FRMD4B: variants seen among roughly 807,000 people sequenced by gnomAD.
FRMD4B encodes FERM domain-containing protein 4B.
In FRMD4B, 74 loss-of-function variants were observed where a neutral mutation model predicts 141.5. That is an observed-to-expected ratio of 0.52 (90% confidence interval 0.43 to 0.63). FRMD4B has a LOEUF of 0.63. Among genes scored for constraint, FRMD4B ranks in the 30% least tolerant of loss-of-function variants. The pLI, the probability that FRMD4B is intolerant of heterozygous loss-of-function variation, is 0.00. For synonymous variants in FRMD4B, 506 were observed against 467.9 expected (o/e 1.08, Z -1.05); for missense variants, 1,366 against 1,253.4 (o/e 1.09, Z -1.36).
chr3:69,266,803 CTG>C (rs2093564231), intron 5 of FRMD4B, among the ~76,000 whole-genome samples: 1 of 152,168 alleles, frequency 6.6e-6, no homozygotes, highest in Non-Finnish European at 1.5e-5. Flanking sequence ...GGGTCAAAGA[CTG>C]TTAAGAAACA....
chr3:69,233,678 GA>G (rs1381651480), intron 7 of FRMD4B, among the ~76,000 whole-genome samples: 2 of 152,242 alleles, frequency 1.3e-5, no homozygotes, highest in African/African-American at 4.8e-5. Context: ...CATAACATGA[GA>G]AATTAAAAGA....
rs201203228 is a variant in FRMD4B, at chr3:69,216,267, C to T, written c.872G>A (p.Arg291Gln). ...CCTAAAGTGATCCACACTTACCTTCCGAGGCTTCACCTTGTCTTGTATATC... is the reference window on the plus strand; with the variant it reads ...CCTAAAGTGATCCACACTTACCTTCTGAGGCTTCACCTTGTCTTGTATATC... ...QYDIQDKVKP[R>Q]KLFQWKQLEN... The change falls in exon 11 of 23, where the codon CGG becomes CAG. Residue 291 changes from arginine to glutamine, a missense_variant. By Grantham distance (43) the Arg-to-Gln change is conservative (BLOSUM62 1). Coordinates refer to ENST00000398540, the MANE Select transcript of FRMD4B (RefSeq NM_015123.3). 7.7e-5 allele frequency: 116 copies of T among 1,513,470 alleles called. No individual in the cohort carries two copies. Among genetic ancestry groups the T allele is most frequent in the Non-Finnish European group, 4.1e-5 (45 of 1,100,734 alleles). 93.8% of individuals were successfully genotyped at this position (1,513,470 alleles called of 1,614,324 possible).
chr3:69,254,354 C>T (rs375184160), intron 5 of FRMD4B, among the ~76,000 whole-genome samples: 17 of 152,092 alleles, frequency 1.1e-4, no homozygotes, highest in African/African-American at 4.1e-4. Context: ...GGTGATCCAT[C>T]TACCTCAGCC....
chr3:69,210,928 C>T (rs6766537), intron 11 of FRMD4B, among the ~76,000 whole-genome samples: 2 of 151,546 alleles, frequency 1.3e-5, no homozygotes, highest in South Asian at 4.2e-4. Flanking sequence ...CAGGAGAATT[C>T]CTTGAACCCG....
At chr3:69,365,109 G>A (rs17005691) in intron 1 of FRMD4B, among the ~76,000 whole-genome samples, 35,343 of 152,076 alleles carry the variant, frequency 0.23, 5,399 homozygotes, top group African/African-American at 0.44. Flanking sequence ...TATCTTTATG[G>A]CACTTGGGTT....
chr3:69,218,345 C>T lies in FRMD4B; in HGVS notation c.766G>A (p.Gly256Ser), dbSNP rs771713874. The T allele has an allele frequency of 4.0e-6, 6 of 1,510,030 alleles. No homozygotes were observed. The highest frequency in any genetic ancestry group is 3.5e-5 in the South Asian group (3 of 86,618). The allele number at this position is 1,510,030 out of a possible 1,614,324, so 93.5% of individuals were successfully genotyped here. A position where few individuals can be genotyped will look rare whatever the true frequency, so the allele number is the denominator to read the frequency against. The change falls in exon 10 of 23, where the codon GGT becomes AGT. Residue 256 changes from glycine (G) to serine (S), a missense_variant. Transcript: ENST00000398540. ...ACCTTTACTGCATAATAATGGACAC[C>T]GTAAGTCGGTAGAGCTTCTACTATT... ...MKIVEALPTY[G>S]VHYYAVKDKQ...
intron 19 of FRMD4B, among the ~76,000 whole-genome samples, chr3:69,183,041 A>G (rs1028464269): frequency 6.6e-6 from 1 of 152,180 alleles, no homozygotes; most frequent in Non-Finnish European, 1.5e-5. Flanking sequence ...TAGATGATCA[A>G]ATCTTTGTGG....
chr3:69,517,030 C>T (rs933332371), intron 1 of FRMD4B, among the ~76,000 whole-genome samples: 1 of 152,098 alleles, frequency 6.6e-6, no homozygotes, highest in Non-Finnish European at 1.5e-5. Context: ...TATTTGGGGG[C>T]CTTTGATAGC....
intron 1 of FRMD4B, among the ~76,000 whole-genome samples, chr3:69,486,470 T>C (rs983399054): frequency 1.3e-5 from 2 of 152,208 alleles, no homozygotes; most frequent in Admixed American, 6.5e-5. Context: ...TAAAACACTA[T>C]ATGGACAAAA....
intron 4 of FRMD4B, among the ~76,000 whole-genome samples, chr3:69,289,430 C>A (rs1191813835): frequency 6.6e-6 from 1 of 152,194 alleles, no homozygotes; most frequent in Non-Finnish European, 1.5e-5. Flanking sequence ...CTTGCTACTG[C>A]CAAAACTAGC....
At chr3:69,538,341 C>G (rs1197194023) in intron 1 of FRMD4B, among the ~76,000 whole-genome samples, 1 of 152,038 alleles carries the variant, frequency 6.6e-6, no homozygotes, top group African/African-American at 2.4e-5. Flanking sequence ...TACATAATAC[C>G]CTAATTCCAC....
intron 5 of FRMD4B, among the ~76,000 whole-genome samples, chr3:69,284,237 C>A (rs563109464): frequency 6.6e-6 from 1 of 151,962 alleles, no homozygotes; most frequent in African/African-American, 2.4e-5. Flanking sequence ...AAGAGAGCTG[C>A]GAAGAGAGAG....
chr3:69,390,405 C>T (rs1360043769), upstream of FRMD4B, among the ~76,000 whole-genome samples: 3 of 152,154 alleles, frequency 2.0e-5, no homozygotes, highest in Non-Finnish European at 2.9e-5. Flanking sequence ...ATACCTCCCT[C>T]CCATGCTGAG....
chr3:69,510,559 A>C (rs1345418880), intron 1 of FRMD4B, among the ~76,000 whole-genome samples: 2 of 152,166 alleles, frequency 1.3e-5, no homozygotes, highest in African/African-American at 4.8e-5. Context: ...GTTTTCATGC[A>C]CTCTGCAAGG....
chr3:69,345,769 G>T (rs1702916545), intron 1 of FRMD4B, among the ~76,000 whole-genome samples: 1 of 152,210 alleles, frequency 6.6e-6, no homozygotes, highest in African/African-American at 2.4e-5. Context: ...GCAGCTGAGG[G>T]TCCTGACTGT....
At chr3:69,431,598 T>A (rs1245571381) in intron 2 of FRMD4B, among the ~76,000 whole-genome samples, 1 of 152,234 alleles carries the variant, frequency 6.6e-6, no homozygotes, top group East Asian at 1.9e-4. Context: ...ACTCATTTCA[T>A]CTACTGAGCA....
At chr3:69,313,932 G>A (rs531970087) in intron 1 of FRMD4B, among the ~76,000 whole-genome samples, 21 of 150,244 alleles carry the variant, frequency 1.4e-4, no homozygotes, top group African/African-American at 4.2e-4. Flanking sequence ...GAGGTCAGGA[G>A]ATCGAGACCA....
chr3:69,302,269 G>A, intron 4 of FRMD4B, 74 bp downstream of exon 4: 1 of 755,158 alleles, frequency 1.3e-6, no homozygotes, highest in South Asian at 1.5e-5. Context: ...GTAAAAAATA[G>A]CAAAGAAAAC....
chr3:69,245,338 TGTG>T lies in FRMD4B; in HGVS notation c.581+3885_581+3887del, dbSNP rs1479941944. Among the ~76,000 whole-genome samples the T allele has an allele frequency of 6.1e-3, 911 of 149,852 alleles. 12 individuals carry two copies. The highest frequency in any genetic ancestry group is 0.022 in the African/African-American group (877 of 39,372). On this transcript the variant is annotated intron_variant, in intron 7 of 22. Transcript: ENST00000398540. ...TTCTTTGTGTGTGTGTGTGTGTGTG[TGTG>T]TGTGTGTGTGTGTTTTTAGACAGAG...
Sources: gnomAD v4.1 joint callset for allele counts (sites outside exome capture counted in the v4.1 genomes callset) on GRCh38, gnomAD v4.1.1 for gene constraint, MANE v1.5 for transcripts, NCBI Gene and HGNC (gene_info 2026-07-23, HGNC 2026-07-21) for gene names.